The following SPEN variants were observed in gnomAD, a reference collection of about 807,000 sequenced individuals.
SPEN encodes the protein spen family transcriptional repressor, also known as msx2-interacting protein.
Under a neutral mutation model 269.9 loss-of-function variants are expected in SPEN, and 18 were observed. The observed-to-expected ratio is 0.07, with a 90% CI of 0.05 to 0.10. The LOEUF (loss-of-function observed/expected upper bound fraction) is 0.10. SPEN is among the 10% of genes least tolerant of loss of function. The pLI, the probability that SPEN is intolerant of heterozygous loss-of-function variation, is 1.00. For missense variants in SPEN, 3,822 were observed against 4,631.2 expected, an observed-to-expected ratio of 0.83 and a Z score of 5.07; for synonymous variants, 1,726 against 1,765.7, an observed-to-expected ratio of 0.98 and a Z score of 0.56.
rs71574142 is a variant in SPEN, at chr1:15,860,442, AGTGTGT to A, written c.83+12321_83+12326del. ...GTATGTGTAGCTAAGGTCCCACTGTAGTGTGTGTGTGTGTGTGTGTGTGTGTGTGTG... is the reference window on the plus strand; with the variant it reads ...GTATGTGTAGCTAAGGTCCCACTGTAGTGTGTGTGTGTGTGTGTGTGTGTG... On this transcript the variant is annotated intron_variant, in intron 1 of 14. Transcript: ENST00000375759. Among the ~76,000 whole-genome samples the A allele has an allele frequency of 2.5e-3, 304 of 120,090 alleles. 2 individuals are homozygous for A. Among genetic ancestry groups the A allele is most frequent in the African/African-American group, 8.1e-3 (254 of 31,232 alleles). 78.8% of individuals were successfully genotyped at this position (120,090 alleles called of 152,430 possible).
chr1:15,893,743 CAAAA>C (rs986344253), intron 3 of SPEN, among the ~76,000 whole-genome samples: 3 of 149,786 alleles, frequency 2.0e-5, no homozygotes, highest in East Asian at 2.0e-4. Context: ...TAAAAAAAAA[CAAAA>C]AAAAGCAAGC....
intron 13 of SPEN, chr1:15,938,470 G>A: frequency 2.6e-6 from 1 of 387,856 alleles, no homozygotes; most frequent in Admixed American, 4.4e-5. Flanking sequence ...TCTACTTGGT[G>A]GGGGGATGTA....
intron 3 of SPEN, among the ~76,000 whole-genome samples, chr1:15,894,680 A>G (rs2070823387): frequency 6.6e-6 from 1 of 150,952 alleles, no homozygotes; most frequent in African/African-American, 2.4e-5. Flanking sequence ...AGCTGGGATT[A>G]CAGACACGCG....
intron 5 of SPEN, among the ~76,000 whole-genome samples, chr1:15,912,559 G>A (rs1290836636): frequency 1.3e-5 from 2 of 152,156 alleles, no homozygotes; most frequent in Admixed American, 6.5e-5. Flanking sequence ...TATGTTATTT[G>A]TATGGTAAAA....
At chr1:15,890,580 T>A (rs895256988) in intron 3 of SPEN, among the ~76,000 whole-genome samples, 24 of 151,038 alleles carry the variant, frequency 1.6e-4, no homozygotes, top group South Asian at 4.2e-4. Flanking sequence ...TTTTTTTTTT[T>A]AAGACTGGGT....
intron 5 of SPEN, 59 bp from the exon 6 acceptor site, chr1:15,916,069 T>C (rs768373900): frequency 4.1e-5 from 63 of 1,537,794 alleles, no homozygotes; most frequent in Admixed American, 6.6e-5. Flanking sequence ...TTCCATGATA[T>C]ATAAATATGC....
intron 4 of SPEN, among the ~76,000 whole-genome samples, chr1:15,910,655 C>G (rs372841029): frequency 8.6e-5 from 13 of 150,556 alleles, no homozygotes; most frequent in African/African-American, 3.2e-4. Flanking sequence ...AAGGTGAATC[C>G]TTGATGTTGT....
chr1:15,861,807 T>C (rs775104202), intron 1 of SPEN, among the ~76,000 whole-genome samples: 69 of 152,220 alleles, frequency 4.5e-4, no homozygotes, highest in Non-Finnish European at 7.9e-4. Context: ...TTTGGGAAAC[T>C]GAAGCGGGTG....
In SPEN at chr1:15,937,996, G is replaced by A. The variant is rs747375812; in HGVS notation, c.10694G>A (p.Arg3565Gln). 10 of 1,607,716 alleles carry A rather than the reference G, an allele frequency of 6.2e-6. No homozygotes were observed. The highest frequency in any genetic ancestry group is 4.5e-5 in the East Asian group (2 of 44,844). Residue 3565 changes from arginine (R) to glutamine (Q), a missense_variant, in exon 13 of 15, where the codon CGA (arginine) becomes CAA (glutamine). Arg to Gln is a conservative substitution (Grantham distance 43). Around this residue, in one of 16 missense-constraint regions of SPEN, gnomAD observed 103 missense variants for 215.8 expected, o/e 0.48. Coordinates refer to ENST00000375759, the MANE Select transcript of SPEN (RefSeq NM_015001.3). This position sits in a 1 kb window ranked among gnomAD's most constrained non-coding sequence, Gnocchi z 5.7. ...GCAACGCAGCTGGAAGGGGTTGCCC[G>A]AAGGATGACGGTAAGACTCTCAGGC... is the stretch of plus-strand genomic sequence containing the variant. ...LEATQLEGVA[R>Q]RMTVETDYCL...
intron 3 of SPEN, among the ~76,000 whole-genome samples, chr1:15,897,887 C>T (rs2070858197): frequency 6.6e-6 from 1 of 152,166 alleles, no homozygotes; most frequent in East Asian, 1.9e-4. Flanking sequence ...ATAACTTTGG[C>T]TCTAAAGGGC....
chr1:15,867,919 C>T (rs1022193317), intron 1 of SPEN, among the ~76,000 whole-genome samples: 3 of 152,056 alleles, frequency 2.0e-5, no homozygotes, highest in Non-Finnish European at 4.4e-5. Context: ...CCGCAACTTC[C>T]GCCTCCTGGG....
intron 3 of SPEN, among the ~76,000 whole-genome samples, chr1:15,897,275 C>T (rs2070851479): frequency 6.6e-6 from 1 of 152,084 alleles, no homozygotes; most frequent in African/African-American, 2.4e-5. Context: ...CTGCAACCTC[C>T]ACTTCTGGGT....
intron 10 of SPEN, among the ~76,000 whole-genome samples, chr1:15,924,517 A>G (rs1232817358): frequency 6.6e-6 from 1 of 151,770 alleles, no homozygotes; most frequent in Non-Finnish European, 1.5e-5. Context: ...CTGGAGTGCA[A>G]TGGTGCAATC....
Position 15,937,592 on chromosome 1 carries a change from T to G in SPEN, c.10456T>G (p.Ser3486Ala), listed in dbSNP as rs1397472290. ...TEFQPAPKQD[S>A]SPHLTSQRPV... ...ATTCCAGCCAGCCCCCAAACAAGAT[T>G]CCTCTCCACACCTGACTTCCCAGAG... The change falls in exon 12 of 15, where the codon TCC becomes GCC. Residue 3486 changes from serine (S) to alanine (A), a missense_variant. Physicochemically the swap from Ser to Ala is moderately conservative, Grantham distance 99. Coordinates refer to ENST00000375759, the MANE Select transcript of SPEN (RefSeq NM_015001.3). This position sits in a 1 kb window ranked among gnomAD's most constrained non-coding sequence, Gnocchi z 5.7. 30 of 1,613,948 alleles carry G rather than the reference T, an allele frequency of 1.9e-5. No individual in the cohort carries two copies. Among genetic ancestry groups the G allele is most frequent in the Non-Finnish European group, 2.5e-5 (30 of 1,180,032 alleles).
chr1:15,908,041 C>T (rs2148727448), intron 3 of SPEN, among the ~76,000 whole-genome samples: 1 of 152,154 alleles, frequency 6.6e-6, no homozygotes, highest in Admixed American at 6.5e-5. Flanking sequence ...GTGAAGAAAG[C>T]CTAAAGTAAC....
chr1:15,937,032 T>C lies in SPEN; in HGVS notation c.10027-131T>C. 3.7e-6 allele frequency: 5 copies of C among 1,349,898 alleles called. No individual in the cohort carries two copies. The highest frequency in any genetic ancestry group is 5.0e-6 in the Non-Finnish European group (5 of 990,468). 83.6% of individuals were successfully genotyped at this position (1,349,898 alleles called of 1,614,324 possible). On this transcript the variant is annotated intron_variant, in intron 11 of 14. Coordinates refer to ENST00000375759, the MANE Select transcript of SPEN (RefSeq NM_015001.3). The surrounding 1 kb of genome is among the most constrained non-coding windows in gnomAD (Gnocchi z 5.7). ...AGCAGCTCCGTTGATTCAGGCTCCTTCTGTGGGCCTGACTTAACGGGAGAT... is the reference window on the plus strand; with the variant it reads ...AGCAGCTCCGTTGATTCAGGCTCCTCCTGTGGGCCTGACTTAACGGGAGAT...
intron 1 of SPEN, among the ~76,000 whole-genome samples, chr1:15,858,145 G>A (rs113193404): frequency 0.052 from 7,862 of 151,796 alleles, 275 homozygotes; most frequent in South Asian, 0.15. Context: ...AGAGAAACAA[G>A]GTCTCACTAT....
intron 3 of SPEN, among the ~76,000 whole-genome samples, chr1:15,897,454 C>G (rs959092877): frequency 2.6e-5 from 4 of 151,838 alleles, no homozygotes; most frequent in Non-Finnish European, 5.9e-5. Context: ...CCTCCGCCTT[C>G]TGGGTTCAAG....
Position 15,929,128 on chromosome 1 carries a change from A to G in SPEN, c.2888A>G (p.His963Arg). Residue 963 changes from histidine (H) to arginine (R), a missense_variant, in exon 11 of 15, where the codon CAC (histidine) becomes CGC (arginine). Physicochemically the swap from His to Arg is conservative, Grantham distance 29. Transcript: ENST00000375759. The surrounding 1 kb of genome is among the most constrained non-coding windows in gnomAD (Gnocchi z 5.8). ...EKEGRLKARK[H>R]LKPEQPADGV... is the part of the protein sequence containing the mutation. The stretch of plus-strand genomic sequence containing the variant: ...GAAGGCAGGCTTAAAGCCAGGAAGC[A>G]CCTCAAGCCTGAGCAGCCTGCAGAT... 1 of 1,614,200 alleles carries G rather than the reference A, an allele frequency of 6.2e-7. No homozygotes were observed. Among genetic ancestry groups the G allele is most frequent in the Non-Finnish European group, 8.5e-7 (1 of 1,180,020 alleles).
Sources: gnomAD v4.1 joint callset for allele counts (sites outside exome capture counted in the v4.1 genomes callset) on GRCh38, gnomAD v4.1.1 for gene constraint, gnomAD v4.1.1 regional missense constraint, Gnocchi (gnomAD v3.1) non-coding constraint, MANE v1.5 for transcripts, NCBI Gene and HGNC (gene_info 2026-07-23, HGNC 2026-07-21) for gene names.